SETD1B: variants seen among roughly 807,000 people sequenced by gnomAD.
SETD1B encodes the protein histone-lysine N-methyltransferase SETD1B.
Under a neutral mutation model 148.0 loss-of-function variants are expected in SETD1B, and 7 were observed. That is an observed-to-expected ratio of 0.05 (90% CI 0.03 to 0.09). The LOEUF is 0.09. Ranked by LOEUF, SETD1B falls within the 10% of genes least tolerant of loss-of-function variation. The probability of loss-of-function intolerance (pLI) is 1.00; values close to 1 mark genes in which losing one functional copy is unlikely to be tolerated. For missense variants in SETD1B, 2,155 were observed against 2,729.9 expected (o/e 0.79, Z 4.69); for synonymous variants, 1,361 against 1,186.5 (o/e 1.15, Z -3.02).
At chr12:121,807,174 G>C (rs1311067405) in intron 4 of SETD1B, among the ~76,000 whole-genome samples, 1 of 152,064 alleles carries the variant, frequency 6.6e-6, no homozygotes, top group East Asian at 1.9e-4. Flanking sequence ...GGTGCCGGGG[G>C]GTGGTGGCAG....
At position 121,819,393 on chromosome 12, in the gene SETD1B, C is replaced by G; in HGVS notation, c.3419-11C>G. ...TCCTCAGGCAGCCCCTCGTCTGTGT[C>G]CCCCATCCAGAGGAGACAGTGAGCA... On this transcript the variant is annotated splice_polypyrimidine_tract_variant and intron_variant, in intron 10 of 16. Coordinates refer to ENST00000604567, the MANE Select transcript of SETD1B (RefSeq NM_001353345.2). 1 of 1,551,488 alleles carries G rather than the reference C, an allele frequency of 6.4e-7. No individual in the cohort carries two copies. Among genetic ancestry groups the G allele is most frequent in the Non-Finnish European group, 8.7e-7 (1 of 1,146,958 alleles).
the SETD1B span, chr12:121,797,447 C>T: frequency 4.4e-6 from 2 of 456,398 alleles, no homozygotes; most frequent in South Asian, 3.1e-5. Context: ...ACTGCCTCAC[C>T]CTCCCTGCCC....
chr12:121,802,817 C>A (rs1875455581), upstream of SETD1B: 1 of 152,218 alleles, frequency 6.6e-6, no homozygotes, highest in African/African-American at 2.4e-5. Context: ...CTGAGACGTC[C>A]TGAACTGGAT....
rs1326403592 is a variant in SETD1B at position 121,809,913 on chromosome 12, G to A, written c.968G>A (p.Arg323His). Residue 323 changes from arginine (R) to histidine (H), a missense_variant, in exon 6 of 17, where the codon CGC (arginine) becomes CAC (histidine). By Grantham distance (29) the Arg-to-His change is conservative (BLOSUM62 0). Transcript: ENST00000604567. ...AGCAAGTTCACGGACGCCTACAACC[G>A]CCGCCACGAACATCATTATGTACAC... ...HESKFTDAYN[R>H]RHEHHYVHNS... is the part of the protein sequence containing the mutation. The A allele has an allele frequency of 1.9e-6, 3 of 1,550,914 alleles. No homozygotes were observed. Among genetic ancestry groups the A allele is most frequent in the Admixed American group, 2.0e-5 (1 of 51,000 alleles).
the SETD1B span, among the ~76,000 whole-genome samples, chr12:121,796,697 T>C: frequency 1.3e-5 from 2 of 152,224 alleles, no homozygotes; most frequent in African/African-American, 4.8e-5. Context: ...AGGCCACTCC[T>C]TGAGTGCTAA....
intron 7 of SETD1B, among the ~76,000 whole-genome samples, 154 bp downstream of exon 7, chr12:121,815,084 G>T (rs1364085184): frequency 6.6e-6 from 1 of 152,076 alleles, no homozygotes; most frequent in Non-Finnish European, 1.5e-5. Context: ...TCAAAGTTCC[G>T]CAAACTGTGC....
intron 7 of SETD1B, among the ~76,000 whole-genome samples, chr12:121,815,357 C>T (rs989535591): frequency 6.6e-6 from 1 of 152,024 alleles, no homozygotes; most frequent in Admixed American, 6.6e-5. Context: ...TCGGGAGCCA[C>T]AGGTGCCTAG....
chr12:121,822,921 T>C lies in SETD1B; in HGVS notation c.4342T>C (p.Cys1448Arg). 2 of 1,517,346 alleles carry C rather than the reference T, an allele frequency of 1.3e-6. No individual in the cohort carries two copies. Among genetic ancestry groups the C allele is most frequent in the East Asian group, 2.5e-5 (1 of 40,562 alleles). The allele number at this position is 1,517,346 out of a possible 1,614,324, so 94.0% of individuals were successfully genotyped here. Reference sequence around the variant, plus strand: ...CAGCGGGCCCTTGCTCCTGCCCGTCTGCCCACTCCCCACTGGCCGACGCGA... The same window carrying C: ...CAGCGGGCCCTTGCTCCTGCCCGTCCGCCCACTCCCCACTGGCCGACGCGA... ...EPSGPLLLPV[C>R]PLPTGRRDER... Residue 1448 changes from cysteine (C) to arginine (R), a missense_variant, in exon 12 of 17, where the codon TGC becomes CGC. By Grantham distance (180) the Cys-to-Arg change is radical (BLOSUM62 -3). Coordinates refer to ENST00000604567, the MANE Select transcript of SETD1B (RefSeq NM_001353345.2).
chr12:121,819,118 C>A (rs2137570492), intron 10 of SETD1B, among the ~76,000 whole-genome samples: 1 of 152,090 alleles, frequency 6.6e-6, no homozygotes, highest in East Asian at 1.9e-4. Context: ...GTGGTGCATG[C>A]CTGTAATCCC....
At position 121,814,204 on chromosome 12, in the gene SETD1B, C is replaced by T. The variant is rs1048047340; in HGVS notation, c.1989C>T (p.Thr663=). The change falls in exon 7 of 17, where the codon ACC becomes ACT. Residue 663 remains threonine, a synonymous_variant. Transcript: ENST00000604567. The part of the protein sequence containing the change: ...SADCPKPMVV[T]PGAAAVAAPS... Reference sequence around the variant, plus strand: ...ACTGCCCCAAGCCCATGGTGGTGACCCCAGGAGCGGCAGCCGTGGCAGCCC... The same window carrying T: ...ACTGCCCCAAGCCCATGGTGGTGACTCCAGGAGCGGCAGCCGTGGCAGCCC... 75 of 1,543,616 alleles carry T rather than the reference C, an allele frequency of 4.9e-5. 1 individual carries two copies. Among genetic ancestry groups the T allele is most frequent in the Non-Finnish European group, 6.3e-5 (72 of 1,146,002 alleles).
At chr12:121,824,167 T>C (rs999915589) in intron 12 of SETD1B, among the ~76,000 whole-genome samples, 3 of 152,256 alleles carry the variant, frequency 2.0e-5, no homozygotes, top group Non-Finnish European at 4.4e-5. Context: ...TTCAGTGACC[T>C]GTCCAAAGAC....
chr12:121,797,467 ATGG>A, the SETD1B span: 7 of 456,374 alleles, frequency 1.5e-5, no homozygotes, highest in East Asian at 6.9e-5. Context: ...CCAAGAGGTG[ATGG>A]TGGGGGGACA....
rs1340021735 is a variant in SETD1B, at chr12:121,808,858, A to G, written c.657+538A>G. Among the ~76,000 whole-genome samples the G allele has an allele frequency of 6.6e-6, 1 of 151,980 alleles. No individual in the cohort carries two copies. The highest frequency in any genetic ancestry group is 2.4e-5 in the African/African-American group (1 of 41,374). ...CTGACTAGCTGCCACTGGCCTGTTC[A>G]TCACTTTTTTTTTGTTTTATTTATT... On this transcript the variant is annotated intron_variant, in intron 5 of 16. Coordinates refer to ENST00000604567, the MANE Select transcript of SETD1B (RefSeq NM_001353345.2). The surrounding 1 kb of genome is among the most constrained non-coding windows in gnomAD (Gnocchi z 5.3).
chr12:121,791,920 T>C, the SETD1B span, among the ~76,000 whole-genome samples: 1 of 152,162 alleles, frequency 6.6e-6, no homozygotes, highest in Non-Finnish European at 1.5e-5. Context: ...AGTAAAGGTG[T>C]CCCAGACCAT....
At chr12:121,807,998 C>A (rs1005061071) in intron 4 of SETD1B, among the ~76,000 whole-genome samples, 1 of 152,002 alleles carries the variant, frequency 6.6e-6, no homozygotes, top group African/African-American at 2.4e-5. Context: ...ATCTCAGGAT[C>A]AGAAAAATGG....
chr12:121,793,006 G>C, the SETD1B span: 1 of 676,092 alleles, frequency 1.5e-6, no homozygotes, highest in Non-Finnish European at 2.5e-6. Flanking sequence ...CCCGCAGCCA[G>C]CGCCCCTGAG....
rs1236446729 is a variant in SETD1B, at chr12:121,814,613, G to A, written c.2398G>A (p.Ala800Thr). The A allele has an allele frequency of 3.9e-6, 6 of 1,541,564 alleles. No individual in the cohort carries two copies. The highest frequency in any genetic ancestry group is 2.5e-5 in the East Asian group (1 of 40,602). ...GACPYPPFMAAAAAAASAGLQ... is the reference protein window; with the variant it reads ...GACPYPPFMATAAAAASAGLQ... ...CTGCCCCTACCCGCCCTTCATGGCC[G>A]CTGCGGCCGCCGCTGCCTCAGCTGG... is the stretch of plus-strand genomic sequence containing the variant. Residue 800 changes from alanine (A) to threonine (T), a missense_variant, in exon 7 of 17, where the codon GCT becomes ACT. Transcript: ENST00000604567.
At chr12:121,794,783 C>T in the SETD1B span, among the ~76,000 whole-genome samples, 1 of 152,186 alleles carries the variant, frequency 6.6e-6, no homozygotes, top group African/African-American at 2.4e-5. Flanking sequence ...CAGAGGGACC[C>T]CCCCCTGGAG....
rs867985910 is a variant in SETD1B, at chr12:121,822,624, T to C, written c.4045T>C (p.Ser1349Pro). 1 of 1,550,900 alleles carries C rather than the reference T, an allele frequency of 6.4e-7. No homozygotes were observed. The highest frequency in any genetic ancestry group is 2.0e-5 in the Admixed American group (1 of 50,956). Residue 1349 changes from serine (S) to proline (P), a missense_variant, in exon 12 of 17, where the codon TCT becomes CCT. Around this residue, in one of 11 missense-constraint regions of SETD1B, gnomAD observed 862 missense variants for 873.8 expected, o/e 0.99. Coordinates refer to ENST00000604567, the MANE Select transcript of SETD1B (RefSeq NM_001353345.2). ...TGAGACCACAGATGCCTCACACCCATCTGTCCCTCCGGAGCCCCTTGCCGA... is the reference window on the plus strand; with the variant it reads ...TGAGACCACAGATGCCTCACACCCACCTGTCCCTCCGGAGCCCCTTGCCGA... ...EPETTDASHPSVPPEPLAEDH... is the reference protein window; with the variant it reads ...EPETTDASHPPVPPEPLAEDH...
Sources: allele counts gnomAD v4.1 joint callset (sites outside exome capture counted in the v4.1 genomes callset), GRCh38; gene constraint gnomAD v4.1.1; regional missense constraint gnomAD v4.1.1; non-coding constraint Gnocchi (gnomAD v3.1); transcripts MANE v1.5; gene names NCBI Gene and HGNC (gene_info 2026-07-23, HGNC 2026-07-21).